The following FNDC1 variants were observed in gnomAD, a reference collection of about 807,000 sequenced individuals.
The protein encoded by FNDC1 is fibronectin type III domain containing 1, also known as fibronectin type III domain-containing protein 1.
In FNDC1, 96 loss-of-function variants were observed where a neutral mutation model predicts 168.0. The ratio of observed to expected loss-of-function variants is 0.57; its 90% CI spans 0.48 to 0.68. FNDC1 has a LOEUF of 0.68. Among genes scored for constraint, FNDC1 ranks in the 30% least tolerant of loss-of-function variants. The pLI, the probability that FNDC1 is intolerant of heterozygous loss-of-function variation, is 0.00. For missense variants in FNDC1, 2,587 were observed against 2,482.1 expected (o/e 1.04, Z -0.90); for synonymous variants, 1,099 against 1,025.9 (o/e 1.07, Z -1.36).
chr6:159,267,734 G>T, intron 21 of FNDC1, 70 bp from the exon 22 acceptor site: 1 of 1,567,160 alleles, frequency 6.4e-7, no homozygotes. Context: ...CAAAGCTTGT[G>T]CAAAAAAACT....
At chr6:159,199,912 A>T in intron 2 of FNDC1, 84 bp from the exon 3 acceptor site, 2 of 1,142,030 alleles carry the variant, frequency 1.8e-6, no homozygotes, top group Non-Finnish European at 2.6e-6. Flanking sequence ...GGTATAAGGA[A>T]GATGGTTATG....
chr6:159,238,263 A>AT (rs541763844), intron 12 of FNDC1, among the ~76,000 whole-genome samples: 14 of 151,346 alleles, frequency 9.3e-5, no homozygotes, highest in South Asian at 8.4e-4. Flanking sequence ...GCGCCTGGCT[A>AT]TTTTTTTGTA....
intron 1 of FNDC1, among the ~76,000 whole-genome samples, chr6:159,176,878 A>T (rs1323097606): frequency 6.6e-6 from 1 of 152,256 alleles, no homozygotes; most frequent in Non-Finnish European, 1.5e-5. Context: ...GGCCTTCTTC[A>T]TGCCAATATA....
At chr6:159,201,673 G>A (rs1297483495) in intron 4 of FNDC1, among the ~76,000 whole-genome samples, 6 of 152,158 alleles carry the variant, frequency 3.9e-5, no homozygotes, top group Non-Finnish European at 7.3e-5. Context: ...CAGTAAAATG[G>A]TCAACAAGTT....
In FNDC1 at chr6:159,246,945, G is replaced by A; in HGVS notation, c.4666G>A (p.Glu1556Lys). 2.5e-6 allele frequency: 4 copies of A among 1,612,686 alleles called. No individual in the cohort carries two copies. Among genetic ancestry groups the A allele is most frequent in the Non-Finnish European group, 3.4e-6 (4 of 1,178,710 alleles). Residue 1556 changes from glutamate (E) to lysine (K), a missense_variant, in exon 15 of 23, where the codon GAG becomes AAG. Coordinates refer to ENST00000297267, the MANE Select transcript of FNDC1 (RefSeq NM_032532.3). ...LETDTAVPTEEAYVIYDEDYE... is the reference protein window; with the variant it reads ...LETDTAVPTEKAYVIYDEDYE... ...GACTGACACTGCAGTACCTACGGAA[G>A]AGGCCTACGTTATATATGATGAAGG... is the stretch of plus-strand genomic sequence containing the variant.
intron 1 of FNDC1, among the ~76,000 whole-genome samples, chr6:159,195,050 GGAGGT>G (rs1172528620): frequency 6.6e-6 from 1 of 152,056 alleles, no homozygotes; most frequent in Non-Finnish European, 1.5e-5. Context: ...GGTGGGAGGA[GGAGGT>G]CGCGATATTT....
intron 4 of FNDC1, among the ~76,000 whole-genome samples, chr6:159,210,686 G>T (rs1562638441): frequency 6.6e-6 from 1 of 152,170 alleles, no homozygotes. Context: ...GCAGGCTCGG[G>T]TGGCGTTTGC....
chr6:159,231,795 C>T, intron 10 of FNDC1, 87 bp from the exon 11 acceptor site: 1 of 1,084,686 alleles, frequency 9.2e-7, no homozygotes, highest in Non-Finnish European at 1.3e-6. Flanking sequence ...GAAATGCCTC[C>T]ATATGCTGTT....
Position 159,228,270 on chromosome 6 carries a change from T to G in FNDC1, c.1181-1545T>G, listed in dbSNP as rs1782998141. 2.0e-5 allele frequency among the ~76,000 whole-genome samples: 3 copies of G among 152,320 alleles called. No individual in the cohort carries two copies. The South Asian group carries it at 6.2e-4, about 32-fold the overall frequency. On this transcript the variant is annotated intron_variant, in intron 9 of 22. Coordinates refer to ENST00000297267, the MANE Select transcript of FNDC1 (RefSeq NM_032532.3). Reference sequence around the variant, plus strand: ...CTCGCGTATCTTAAGCCTGCTTAGGTCGTTTTTGTAAGGGTGTAGTGGTGA... The same window carrying G: ...CTCGCGTATCTTAAGCCTGCTTAGGGCGTTTTTGTAAGGGTGTAGTGGTGA...
intron 22 of FNDC1, among the ~76,000 whole-genome samples, chr6:159,270,260 T>G (rs1777715112): frequency 6.6e-6 from 1 of 152,182 alleles, no homozygotes. Flanking sequence ...CTGGGTAACA[T>G]AGCAAGATCT....
intron 15 of FNDC1, among the ~76,000 whole-genome samples, chr6:159,248,517 G>A (rs1777184876): frequency 6.6e-6 from 1 of 152,044 alleles, no homozygotes; most frequent in Non-Finnish European, 1.5e-5. Flanking sequence ...TGTTGGCCAG[G>A]ATGGTCTTGA....
rs199900473 is a variant in FNDC1, at chr6:159,232,930, G to A, written c.2418G>A (p.Gln806=). ...DGGRQAEATA[Q]TLRARPASGH... ...GAAGGCAGGCGGAGGCCACGGCCCAGACGCTGCGGGCCCGGCCTGCCTCTG... is the reference window on the plus strand; with the variant it reads ...GAAGGCAGGCGGAGGCCACGGCCCAAACGCTGCGGGCCCGGCCTGCCTCTG... Residue 806 remains glutamine, a synonymous_variant, in exon 11 of 23, where the codon CAG becomes CAA. Coordinates refer to ENST00000297267, the MANE Select transcript of FNDC1 (RefSeq NM_032532.3). The surrounding 1 kb of genome is among the most constrained non-coding windows in gnomAD (Gnocchi z 4.9). 1.9e-6 allele frequency: 3 copies of A among 1,610,716 alleles called. No individual in the cohort carries two copies. Among genetic ancestry groups the A allele is most frequent in the Non-Finnish European group, 1.7e-6 (2 of 1,179,470 alleles).
chr6:159,233,881 C>G lies in FNDC1; in HGVS notation c.3369C>G (p.Gly1123=), dbSNP rs653521. Residue 1123 remains glycine (G), a synonymous_variant, in exon 11 of 23, where the codon GGC becomes GGG. Coordinates refer to ENST00000297267, the MANE Select transcript of FNDC1 (RefSeq NM_032532.3). This position sits in a 1 kb window ranked among gnomAD's most constrained non-coding sequence, Gnocchi z 4.6. The part of the protein sequence containing the change: ...VESPTGAGAG[G]DHRSQRGHAA... ...CTCCCACAGGCGCAGGGGCAGGTGG[C>G]GACCACAGGTCCCAGCGCGGACATG... 1.9e-5 allele frequency: 30 copies of G among 1,547,030 alleles called. 1 individual carries two copies. Among genetic ancestry groups the G allele is most frequent in the Non-Finnish European group, 2.5e-5 (29 of 1,145,346 alleles).
chr6:159,264,557 G>A (rs556174710), intron 19 of FNDC1, among the ~76,000 whole-genome samples: 6 of 152,328 alleles, frequency 3.9e-5, no homozygotes, highest in Admixed American at 3.3e-4. Context: ...AAACATTTAT[G>A]TGGAAGTGTT....
chr6:159,193,252 T>C (rs977113302), intron 1 of FNDC1, among the ~76,000 whole-genome samples: 1 of 152,166 alleles, frequency 6.6e-6, no homozygotes, highest in Non-Finnish European at 1.5e-5. Context: ...TGTCTGACAA[T>C]GTGGAGCCTG....
At chr6:159,172,690 A>G (rs1441534259) in intron 1 of FNDC1, among the ~76,000 whole-genome samples, 4 of 152,250 alleles carry the variant, frequency 2.6e-5, no homozygotes, top group East Asian at 1.9e-4. Flanking sequence ...TGATAGCCCA[A>G]TGGATTTTTA....
intron 1 of FNDC1, among the ~76,000 whole-genome samples, chr6:159,178,807 G>A (rs937936391): frequency 2.6e-5 from 4 of 150,974 alleles, no homozygotes; most frequent in Non-Finnish European, 5.9e-5. Flanking sequence ...AGGGAAGTGC[G>A]GCTACCACCC....
Position 159,229,881 on chromosome 6 carries a change from A to G in FNDC1, c.1247A>G (p.Asp416Gly). The change falls in exon 10 of 23, where the codon GAC becomes GGC. Residue 416 changes from aspartate (D) to glycine (G), a missense_variant. Transcript: ENST00000297267. ...FGAKSLTYPG[D>G]TTSALVDGLQ... ...GCAAAGTCCCTCACCTATCCTGGAGACACTACTTCTGCCCTGGTGGATGGT... is the reference window on the plus strand; with the variant it reads ...GCAAAGTCCCTCACCTATCCTGGAGGCACTACTTCTGCCCTGGTGGATGGT... The G allele has an allele frequency of 1.2e-5, 19 of 1,613,874 alleles. No homozygotes were observed. The highest frequency in any genetic ancestry group is 1.6e-5 in the Non-Finnish European group (19 of 1,179,848).
At chr6:159,264,772 T>G (rs190299351) in intron 19 of FNDC1, among the ~76,000 whole-genome samples, 81 of 152,306 alleles carry the variant, frequency 5.3e-4, no homozygotes, top group South Asian at 6.2e-4. Context: ...TCTAGGTAAA[T>G]AGCAACACAC....
Sources: allele counts gnomAD v4.1 joint callset (sites outside exome capture counted in the v4.1 genomes callset), GRCh38; gene constraint gnomAD v4.1.1; non-coding constraint Gnocchi (gnomAD v3.1); transcripts MANE v1.5; gene names NCBI Gene and HGNC (gene_info 2026-07-23, HGNC 2026-07-21).